COL18A1: variants seen among roughly 807,000 people sequenced by gnomAD.
COL18A1 encodes the protein collagen alpha-1(XVIII) chain.
Under a neutral mutation model 168.0 loss-of-function variants are expected in COL18A1, and 133 were observed. That is an observed-to-expected ratio of 0.79 (90% CI 0.69 to 0.91). COL18A1 has a LOEUF of 0.91. Ranked by LOEUF, COL18A1 falls within the 40% of genes least tolerant of loss-of-function variation. The pLI, the probability that COL18A1 is intolerant of heterozygous loss-of-function variation, is 0.00. For synonymous variants in COL18A1, 949 were observed against 809.0 expected (o/e 1.17, Z -2.94); for missense variants, 2,126 against 1,925.4 (o/e 1.10, Z -1.95).
At chr21:45,462,451 T>A (rs78239037) in intron 2 of COL18A1, among the ~76,000 whole-genome samples, 4,289 of 152,284 alleles carry the variant, frequency 0.028, 213 homozygotes, top group African/African-American at 0.097. Flanking sequence ...TTCACCTTTC[T>A]TTCATCTTTT....
rs1297103851 is a variant in COL18A1 at position 45,471,457 on chromosome 21, A to C, written c.652-2438A>C. On this transcript the variant is annotated intron_variant, in intron 3 of 41. Transcript: ENST00000651438. This position sits in a 1 kb window ranked among gnomAD's most constrained non-coding sequence, Gnocchi z 4.4. ...CAAGCACAGAGCTTTGGGAGCAGGG[A>C]GGAAACCGAGGCTTCCTCCTCCTCA... is the stretch of plus-strand genomic sequence containing the variant. Among the ~76,000 whole-genome samples, 1 of 152,214 alleles carries C rather than the reference A, an allele frequency of 6.6e-6. No homozygotes were observed. The highest frequency in any genetic ancestry group is 1.5e-5 in the Non-Finnish European group (1 of 68,038).
intron 15 of COL18A1, among the ~76,000 whole-genome samples, chr21:45,485,667 T>A (rs2036083670): frequency 6.6e-6 from 1 of 152,192 alleles, no homozygotes; most frequent in Admixed American, 6.5e-5. Context: ...GGAGGGTGGC[T>A]GCAGTGGAGA....
intron 37 of COL18A1, chr21:45,507,262 G>A: frequency 1.0e-5 from 5 of 490,896 alleles, no homozygotes; most frequent in Non-Finnish European, 1.9e-5. Flanking sequence ...TGGGCAGGGA[G>A]GGCAACCTGC....
intron 2 of COL18A1, among the ~76,000 whole-genome samples, chr21:45,413,566 T>A (rs1478269695): frequency 1.3e-5 from 2 of 152,148 alleles, no homozygotes; most frequent in African/African-American, 2.4e-5. Context: ...CTGTGCTTTG[T>A]AAAGTTTAGC....
chr21:45,477,457 T>A lies in COL18A1; in HGVS notation c.975T>A (p.Ser325Arg), dbSNP rs776089474. The change falls in exon 7 of 42, where the codon AGT (serine) becomes AGA (arginine). Residue 325 changes from serine (S) to arginine (R), a missense_variant. Coordinates refer to ENST00000651438, the MANE Select transcript of COL18A1 (RefSeq NM_001379500.1). ...GSDSVSTWDG[S>R]VRTPGGRVKE... is the part of the protein sequence containing the mutation. The stretch of plus-strand genomic sequence containing the variant: ...ATTCTGTCTCCACGTGGGACGGGAG[T>A]GTCCGGACCCCTGGGGGCCGCGTGA... 1.2e-6 allele frequency: 2 copies of A among 1,612,564 alleles called. No homozygotes were observed. The highest frequency in any genetic ancestry group is 1.7e-6 in the Non-Finnish European group (2 of 1,179,454).
chr21:45,446,528 A>G (rs562537971), intron 2 of COL18A1, among the ~76,000 whole-genome samples: 1 of 152,372 alleles, frequency 6.6e-6, no homozygotes, highest in East Asian at 1.9e-4. Flanking sequence ...ACACCCATAA[A>G]GAAAAGCCAA....
At chr21:45,469,676 C>T (rs1320790650) in intron 3 of COL18A1, among the ~76,000 whole-genome samples, 4 of 152,230 alleles carry the variant, frequency 2.6e-5, no homozygotes, top group African/African-American at 7.2e-5. Flanking sequence ...CTGGCACTGT[C>T]TCACAAGTCC....
rs1555853876 is a variant in COL18A1 at position 45,455,924 on chromosome 21, G to C, written c.107-12318G>C. 1.2e-6 allele frequency: 2 copies of C among 1,612,958 alleles called. No homozygotes were observed. Among genetic ancestry groups the C allele is most frequent in the Admixed American group, 3.3e-5 (2 of 60,006 alleles). The stretch of plus-strand genomic sequence containing the variant: ...CTTCGTCCAGCTGTGGAATGACACT[G>C]TCCCCACTGAGAGCTTGGCCAGGGC... On this transcript the variant is annotated intron_variant, in intron 2 of 41. Transcript: ENST00000651438.
At chr21:45,421,031 C>T (rs1194787999) in intron 2 of COL18A1, 1 of 202,902 alleles carries the variant, frequency 4.9e-6, no homozygotes, top group African/African-American at 2.3e-5. Flanking sequence ...CGTGTCTGCT[C>T]CGAGCCAGGA....
chr21:45,458,311 G>A (rs188430651), intron 2 of COL18A1, among the ~76,000 whole-genome samples: 6 of 151,104 alleles, frequency 4.0e-5, no homozygotes, highest in African/African-American at 7.3e-5. Context: ...GGCAGGGACC[G>A]TGCCCACGGC....
rs567694195 is a variant in COL18A1 at position 45,410,643 on chromosome 21, G to A, written c.106+5170G>A. Among the ~76,000 whole-genome samples, 8 of 152,358 alleles carry A rather than the reference G, an allele frequency of 5.3e-5. No homozygotes were observed. In the South Asian group the frequency reaches 6.2e-4, roughly 12 times the overall value. ...CCGTTGAGCAGCTTCAACATTTGCCGCAGTTAGGCCTCTCTGGAATCTGTG... is the reference window on the plus strand; with the variant it reads ...CCGTTGAGCAGCTTCAACATTTGCCACAGTTAGGCCTCTCTGGAATCTGTG... On this transcript the variant is annotated intron_variant, in intron 2 of 41. Coordinates refer to ENST00000651438, the MANE Select transcript of COL18A1 (RefSeq NM_001379500.1).
rs2036623622 is a variant in COL18A1, at chr21:45,498,455, C to T, written c.2683+794C>T. ...TCCCCTCTCGCCGCCAGGGTCCCCT[C>T]TCGCCGCCACGGTCCCCGCTCGCCG... On this transcript the variant is annotated intron_variant, in intron 32 of 41. Transcript: ENST00000651438. This position sits in a 1 kb window ranked among gnomAD's most constrained non-coding sequence, Gnocchi z 4.5. The T allele has an allele frequency of 1.3e-5, 9 of 700,964 alleles. No homozygotes were observed. The highest frequency in any genetic ancestry group is 3.6e-4 in the Middle Eastern group (1 of 2,804). The allele number at this position is 700,964 out of a possible 1,614,324, so 43.4% of individuals were successfully genotyped here. A position where few individuals can be genotyped will look rare whatever the true frequency, so the allele number is the denominator to read the frequency against.
intron 32 of COL18A1, among the ~76,000 whole-genome samples, chr21:45,501,271 A>G (rs1006057731): frequency 1.3e-5 from 2 of 152,078 alleles, no homozygotes; most frequent in Non-Finnish European, 2.9e-5. Context: ...AAAAATTGGC[A>G]AAGTGAAAAA....
intron 2 of COL18A1, among the ~76,000 whole-genome samples, chr21:45,429,050 G>A (rs116439115): frequency 0.023 from 3,501 of 151,738 alleles, 103 homozygotes; most frequent in African/African-American, 0.071. Context: ...CTATAGGCGC[G>A]CCACCCCACC....
At position 45,495,410 on chromosome 21, in the gene COL18A1, C is replaced by T; in HGVS notation, c.2486C>T (p.Ala829Val). ...GGAGAGAAAGGGGAGCCGGGAGATGCCAGCCTTGGATTTGGCATGAGGGTG... is the reference window on the plus strand; with the variant it reads ...GGAGAGAAAGGGGAGCCGGGAGATGTCAGCCTTGGATTTGGCATGAGGGTG... ...LKGEKGEPGD[A>V]SLGFGMRGMP... Residue 829 changes from alanine (A) to valine (V), a missense_variant, in exon 29 of 42, where the codon GCC becomes GTC. Coordinates refer to ENST00000651438, the MANE Select transcript of COL18A1 (RefSeq NM_001379500.1). 3 of 1,611,160 alleles carry T rather than the reference C, an allele frequency of 1.9e-6. No individual in the cohort carries two copies. Among genetic ancestry groups the T allele is most frequent in the Non-Finnish European group, 2.5e-6 (3 of 1,178,708 alleles).
chr21:45,421,458 C>T (rs747844339), intron 2 of COL18A1: 7 of 534,462 alleles, frequency 1.3e-5, no homozygotes, highest in Admixed American at 3.9e-5. Flanking sequence ...ACAGCCCTGG[C>T]GTCTCAGGAG....
At chr21:45,509,623 G>C (rs1486678106) in intron 39 of COL18A1, 22 bp downstream of exon 39, 1 of 1,329,352 alleles carries the variant, frequency 7.5e-7, no homozygotes, top group African/African-American at 1.4e-5. Flanking sequence ...CCCAAAGTGG[G>C]CTTGGCTCCA....
At chr21:45,496,717 G>A (rs553800893) in intron 30 of COL18A1, 149 bp downstream of exon 30, 19 of 699,524 alleles carry the variant, frequency 2.7e-5, no homozygotes, top group Admixed American at 2.1e-4. Context: ...ATTAGCAGCT[G>A]AGTTCCCACG....
intron 2 of COL18A1, among the ~76,000 whole-genome samples, chr21:45,452,443 T>C (rs546189576): frequency 1.6e-4 from 25 of 151,960 alleles, no homozygotes; most frequent in African/African-American, 6.0e-4. Flanking sequence ...TGCATGTGAG[T>C]ACTCACGTGT....
Sources: gnomAD v4.1 joint callset for allele counts (sites outside exome capture counted in the v4.1 genomes callset) on GRCh38, gnomAD v4.1.1 for gene constraint, Gnocchi (gnomAD v3.1) non-coding constraint, MANE v1.5 for transcripts, NCBI Gene and HGNC (gene_info 2026-07-23, HGNC 2026-07-21) for gene names.